Variants in LYSMD3 observed in about 807,000 individuals in gnomAD.
The protein encoded by LYSMD3 is LysM domain containing 3.
In LYSMD3, 13 loss-of-function variants were observed where a neutral mutation model predicts 26.1. The ratio of observed to expected loss-of-function variants is 0.50; its 90% CI spans 0.32 to 0.79. The LOEUF is 0.79. LYSMD3 is among the 30% of genes least tolerant of loss of function. The pLI is 0.03. For synonymous variants in LYSMD3, 109 were observed against 119.4 expected, an observed-to-expected ratio of 0.91 and a Z score of 0.57; for missense variants, 331 against 362.5, an observed-to-expected ratio of 0.91 and a Z score of 0.71.
At chr5:90,525,847 TATCACTAA>T in intron 1 of LYSMD3, among the ~76,000 whole-genome samples, 1 of 152,216 alleles carries the variant, frequency 6.6e-6, no homozygotes, top group Non-Finnish European at 1.5e-5. Flanking sequence ...TTAGATCATA[TATCACTAA>T]ACACGTGGAG....
Position 90,519,407 on chromosome 5 carries a change from T to C in LYSMD3, c.333A>G (p.Val111=). The change falls in exon 3 of 3, where the codon GTA becomes GTG. Residue 111 remains valine, a synonymous_variant. Coordinates refer to ENST00000315948, the MANE Select transcript of LYSMD3 (RefSeq NM_198273.2). ...FFALRSIKIP[V]KKFSSLTETL... ...TTTCGGTCAAGGAACTGAACTTTTT[T>C]ACTGGAATTTTGATAGACCTAAGGG... is the stretch of plus-strand genomic sequence containing the variant. The C allele has an allele frequency of 6.2e-7, 1 of 1,614,050 alleles. No individual in the cohort carries two copies. Among genetic ancestry groups the C allele is most frequent in the South Asian group, 1.1e-5 (1 of 91,084 alleles).
intron 2 of LYSMD3, 132 bp from the exon 3 acceptor site, chr5:90,519,616 G>A (rs569424515): frequency 5.8e-6 from 5 of 859,192 alleles, no homozygotes; most frequent in Non-Finnish European, 8.7e-6. Flanking sequence ...TGCACCCAGA[G>A]AAATTTTAAT....
chr5:90,529,390 G>A (rs1753304263), intron 1 of LYSMD3, 58 bp downstream of exon 1: 2 of 456,242 alleles, frequency 4.4e-6, no homozygotes, highest in African/African-American at 4.0e-5. Flanking sequence ...GGACGCAGCT[G>A]GGGCTCAACC....
At chr5:90,520,498 G>A (rs902212870) in intron 2 of LYSMD3, 1 of 454,968 alleles carries the variant, frequency 2.2e-6, no homozygotes, top group African/African-American at 2.0e-5. Context: ...GCAGATTTTA[G>A]ATATGCTGAC....
intron 2 of LYSMD3, chr5:90,520,534 G>A: frequency 2.2e-6 from 1 of 456,086 alleles, no homozygotes; most frequent in Non-Finnish European, 4.4e-6. Flanking sequence ...ATACAGAAGT[G>A]GAAGATGTTC....
intron 1 of LYSMD3, among the ~76,000 whole-genome samples, chr5:90,529,107 T>C (rs984472154): frequency 6.6e-6 from 1 of 152,250 alleles, no homozygotes; most frequent in Non-Finnish European, 1.5e-5. Context: ...AGCATGACAC[T>C]TGAACGATGT....
chr5:90,520,838 G>A (rs1753072271), intron 2 of LYSMD3, among the ~76,000 whole-genome samples: 1 of 151,994 alleles, frequency 6.6e-6, no homozygotes, highest in Admixed American at 6.5e-5. Flanking sequence ...AGAATTACTG[G>A]AAGCCGGGAG....
Position 90,519,338 on chromosome 5 carries a change from A to T in LYSMD3, c.402T>A (p.Ser134=), listed in dbSNP as rs1177305859. 1 of 1,614,142 alleles carries T rather than the reference A, an allele frequency of 6.2e-7. No individual in the cohort carries two copies. The highest frequency in any genetic ancestry group is 8.5e-7 in the Non-Finnish European group (1 of 1,180,004). ...PKGRQTSRHS[S]VQYSSEQQEI... is the part of the protein sequence containing the mutation. ...CCTGTTGTTCGGAAGAGTATTGAACAGATGAATGACGTGAAGTCTGTCTTC... is the reference window on the plus strand; with the variant it reads ...CCTGTTGTTCGGAAGAGTATTGAACTGATGAATGACGTGAAGTCTGTCTTC... Residue 134 remains serine, a synonymous_variant, in exon 3 of 3, where the codon TCT becomes TCA. Coordinates refer to ENST00000315948, the MANE Select transcript of LYSMD3 (RefSeq NM_198273.2).
At chr5:90,528,322 T>G (rs1002737723) in intron 1 of LYSMD3, among the ~76,000 whole-genome samples, 8 of 152,228 alleles carry the variant, frequency 5.3e-5, no homozygotes, top group African/African-American at 1.9e-4. Context: ...CCTACTTATG[T>G]GTCTTGTTAG....
In LYSMD3 at chr5:90,518,036, A is replaced by G. The variant is rs1246770960; in HGVS notation, c.*783T>C. 5.2e-5 allele frequency: 8 copies of G among 152,522 alleles called. No homozygotes were observed. The highest frequency in any genetic ancestry group is 5.2e-4 in the Admixed American group (8 of 15,272). The allele number at this position is 152,522 out of a possible 1,614,324, so 9.4% of individuals were successfully genotyped here. ...TAATGGTAATATGCACGTTTAATAT[A>G]TTTTTCATCATCAAAACTACAAAAG... On this transcript the variant is annotated 3_prime_UTR_variant, in exon 3 of 3. Transcript: ENST00000315948.
At chr5:90,524,319 TC>T (rs1214563606) in intron 2 of LYSMD3, among the ~76,000 whole-genome samples, 2 of 152,036 alleles carry the variant, frequency 1.3e-5, no homozygotes, top group Non-Finnish European at 2.9e-5. Context: ...GATTACTAAC[TC>T]CCCAAATATG....
chr5:90,529,541 T>C lies in LYSMD3; in HGVS notation c.-105A>G, dbSNP rs1025706321. The C allele has an allele frequency of 3.1e-5, 14 of 456,614 alleles. No individual in the cohort carries two copies. The highest frequency in any genetic ancestry group is 2.2e-4 in the African/African-American group (11 of 50,164). 28.3% of individuals were successfully genotyped at this position (456,614 alleles called of 1,614,324 possible). A position where few individuals can be genotyped will look rare whatever the true frequency, so the allele number is the denominator to read the frequency against. The stretch of plus-strand genomic sequence containing the variant: ...GTAAGTTCATGGCCGAGCCTCTGCT[T>C]TGGGCTGACCCCGTCCGCCTCCGCC... On this transcript the variant is annotated 5_prime_UTR_variant, in exon 1 of 3. Transcript: ENST00000315948.
chr5:90,527,411 A>AATT (rs1753249116), intron 1 of LYSMD3, among the ~76,000 whole-genome samples: 2 of 140,698 alleles, frequency 1.4e-5, no homozygotes, highest in African/African-American at 5.3e-5. Flanking sequence ...TATTAATGGT[A>AATT]TTTTTTTTTT....
chr5:90,527,214 T>A (rs1753244521), intron 1 of LYSMD3, among the ~76,000 whole-genome samples: 1 of 151,948 alleles, frequency 6.6e-6, no homozygotes, highest in African/African-American at 2.4e-5. Flanking sequence ...ATTACAAAGG[T>A]TGAGAATCCC....
rs977475707 is a variant in LYSMD3, at chr5:90,515,749, C to T, written c.*3070G>A. The T allele has an allele frequency of 1.3e-5, 2 of 152,124 alleles. No individual in the cohort carries two copies. Among genetic ancestry groups the T allele is most frequent in the African/African-American group, 2.4e-5 (1 of 41,436 alleles). The allele number at this position is 152,124 out of a possible 1,614,324, so 9.4% of individuals were successfully genotyped here. Reference sequence around the variant, plus strand: ...ACATGCTAACAATGTTCTACAGTTACATTTGTATAAAATACATTATACAAA... The same window carrying T: ...ACATGCTAACAATGTTCTACAGTTATATTTGTATAAAATACATTATACAAA... On this transcript the variant is annotated 3_prime_UTR_variant, in exon 3 of 3. Coordinates refer to ENST00000315948, the MANE Select transcript of LYSMD3 (RefSeq NM_198273.2).
At chr5:90,520,183 A>AT (rs2151920894) in intron 2 of LYSMD3, among the ~76,000 whole-genome samples, 1 of 152,282 alleles carries the variant, frequency 6.6e-6, no homozygotes, top group Non-Finnish European at 1.5e-5. Flanking sequence ...TATATTATAC[A>AT]TTCCTCAACC....
Position 90,518,643 on chromosome 5 carries a change from T to C in LYSMD3, c.*176A>G. 1.8e-6 allele frequency: 1 copy of C among 547,368 alleles called. No individual in the cohort carries two copies. The highest frequency in any genetic ancestry group is 3.2e-6 in the Non-Finnish European group (1 of 316,288). 33.9% of individuals were successfully genotyped at this position (547,368 alleles called of 1,614,324 possible). A position where few individuals can be genotyped will look rare whatever the true frequency, so the allele number is the denominator to read the frequency against. On this transcript the variant is annotated 3_prime_UTR_variant, in exon 3 of 3. Transcript: ENST00000315948. Reference sequence around the variant, plus strand: ...CACACCAGATTTATGGATCAACTGCTCTCAACATCAACAACTAGTTGCTCA... The same window carrying C: ...CACACCAGATTTATGGATCAACTGCCCTCAACATCAACAACTAGTTGCTCA...
In LYSMD3 at chr5:90,516,753, T is replaced by A. The variant is rs1237456508; in HGVS notation, c.*2066A>T. 6.6e-6 allele frequency: 1 copy of A among 152,480 alleles called. No homozygotes were observed. Among genetic ancestry groups the A allele is most frequent in the African/African-American group, 2.4e-5 (1 of 41,452 alleles). The allele number at this position is 152,480 out of a possible 1,614,324, so 9.4% of individuals were successfully genotyped here. A position where few individuals can be genotyped will look rare whatever the true frequency, so the allele number is the denominator to read the frequency against. On this transcript the variant is annotated 3_prime_UTR_variant, in exon 3 of 3. Coordinates refer to ENST00000315948, the MANE Select transcript of LYSMD3 (RefSeq NM_198273.2). ...AAAACTACCTGATGTGTTATAAGGA[T>A]GTATATTTCCTTCAAAAAAGGATAC...
chr5:90,527,164 CA>C (rs1474163656), intron 1 of LYSMD3, among the ~76,000 whole-genome samples: 1 of 152,066 alleles, frequency 6.6e-6, no homozygotes, highest in East Asian at 1.9e-4. Flanking sequence ...CAGAAAAGAC[CA>C]ACTCCAAAAC....
Sources: allele counts gnomAD v4.1 joint callset (sites outside exome capture counted in the v4.1 genomes callset), GRCh38; gene constraint gnomAD v4.1.1; transcripts MANE v1.5; gene names NCBI Gene and HGNC (gene_info 2026-07-23, HGNC 2026-07-21).